The following ZNF462 variants were observed in gnomAD, a reference collection of about 807,000 sequenced individuals.
ZNF462 encodes the protein zinc finger protein 462.
ZNF462 carries 10 observed loss-of-function variants against 201.9 expected under a neutral mutation model. The ratio of observed to expected loss-of-function variants is 0.05; its 90% confidence interval spans 0.03 to 0.08. The LOEUF is 0.08. Among genes scored for constraint, ZNF462 ranks in the 10% least tolerant of loss-of-function variants. ZNF462 has a pLI of 1.00. For missense variants in ZNF462, 2,523 were observed against 3,168.3 expected (o/e 0.80, Z 4.89); for synonymous variants, 1,227 against 1,193.3 (o/e 1.03, Z -0.58).
intron 1 of ZNF462, among the ~76,000 whole-genome samples, chr9:106,867,899 T>C (rs1417754752): frequency 6.6e-6 from 1 of 152,170 alleles, no homozygotes; most frequent in Non-Finnish European, 1.5e-5. Flanking sequence ...ATATTCTAAA[T>C]TGATAATTGG....
intron 7 of ZNF462, among the ~76,000 whole-genome samples, chr9:106,946,716 C>A (rs1445269138): frequency 2.0e-5 from 3 of 151,940 alleles, no homozygotes; most frequent in Non-Finnish European, 4.4e-5. Context: ...TGCCTGTAAT[C>A]CCAACACTTT....
At position 106,972,064 on chromosome 9, in the gene ZNF462, G is replaced by A. The variant is rs368541757; in HGVS notation, c.6487G>A (p.Ala2163Thr). Residue 2163 changes from alanine to threonine, a missense_variant, in exon 8 of 13, where the codon GCC becomes ACC. Coordinates refer to ENST00000277225, the MANE Select transcript of ZNF462 (RefSeq NM_021224.6). This position sits in a 1 kb window ranked among gnomAD's most constrained non-coding sequence, Gnocchi z 4.8. ...QQQLNHYQSA[A>T]LARNNSRVSP... ...GCAGTTGAACCACTATCAGTCAGCT[G>A]CCCTGGCAAGGAACAACAGCCGTGT... 4.3e-6 allele frequency: 7 copies of A among 1,614,152 alleles called. No individual in the cohort carries two copies. The highest frequency in any genetic ancestry group is 5.1e-6 in the Non-Finnish European group (6 of 1,180,032).
Position 106,968,690 on chromosome 9 carries a change from G to A in ZNF462, c.6428-3315G>A, listed in dbSNP as rs936696913. ...GTTAAAGATCTAACTTGTGTGAGCC[G>A]CAGTTGGGTGCAGAACTTCCCACTG... On this transcript the variant is annotated intron_variant, in intron 7 of 12. Coordinates refer to ENST00000277225, the MANE Select transcript of ZNF462 (RefSeq NM_021224.6). This position sits in a 1 kb window ranked among gnomAD's most constrained non-coding sequence, Gnocchi z 4.0. 3.9e-5 allele frequency among the ~76,000 whole-genome samples: 6 copies of A among 152,092 alleles called. No individual in the cohort carries two copies. The highest frequency in any genetic ancestry group is 2.0e-4 in the Admixed American group (3 of 15,254).
At position 106,923,988 on chromosome 9, in the gene ZNF462, A is replaced by G. The variant is rs1312380915; in HGVS notation, c.221-145A>G. 9 of 682,898 alleles carry G rather than the reference A, an allele frequency of 1.3e-5. No individual in the cohort carries two copies. Among genetic ancestry groups the G allele is most frequent in the Admixed American group, 1.2e-4 (4 of 33,530 alleles). The allele number at this position is 682,898 out of a possible 1,614,324, so 42.3% of individuals were successfully genotyped here. A position where few individuals can be genotyped will look rare whatever the true frequency, so the allele number is the denominator to read the frequency against. On this transcript the variant is annotated intron_variant, in intron 2 of 12. Coordinates refer to ENST00000277225, the MANE Select transcript of ZNF462 (RefSeq NM_021224.6). The surrounding 1 kb of genome is among the most constrained non-coding windows in gnomAD (Gnocchi z 5.6). ...GTATATCTTCATTGATGCTTTGTGA[A>G]TACTCTTCAAGGCCTCATCTTGAGA...
chr9:106,867,681 G>A (rs908597805), intron 1 of ZNF462, among the ~76,000 whole-genome samples: 12 of 152,164 alleles, frequency 7.9e-5, no homozygotes, highest in African/African-American at 2.7e-4. Flanking sequence ...CTTGTGGTCG[G>A]TTTTCCTGAA....
At position 106,890,999 on chromosome 9, in the gene ZNF462, G is replaced by A. The variant is rs930614734; in HGVS notation, c.-31+27644G>A. Among the ~76,000 whole-genome samples the A allele has an allele frequency of 2.6e-5, 4 of 152,124 alleles. No individual in the cohort carries two copies. Among genetic ancestry groups the A allele is most frequent in the Non-Finnish European group, 4.4e-5 (3 of 68,024 alleles). On this transcript the variant is annotated intron_variant, in intron 1 of 12. Coordinates refer to ENST00000277225, the MANE Select transcript of ZNF462 (RefSeq NM_021224.6). This position sits in a 1 kb window ranked among gnomAD's most constrained non-coding sequence, Gnocchi z 4.2. ...CTTTTTTGGAAAAATCGTATGGCTA[G>A]TACAGGAAATCAAGGAGATTTTTAG...
rs746235333 is a variant in ZNF462, at chr9:106,890,746, C to T, written c.-31+27391C>T. Among the ~76,000 whole-genome samples the T allele has an allele frequency of 6.6e-6, 1 of 152,150 alleles. No homozygotes were observed. The highest frequency in any genetic ancestry group is 1.5e-5 in the Non-Finnish European group (1 of 68,030). ...TAAGGCTCATGTCACTCGCATCATG[C>T]TGTGACATGAAACAATATTGCATCG... On this transcript the variant is annotated intron_variant, in intron 1 of 12. Coordinates refer to ENST00000277225, the MANE Select transcript of ZNF462 (RefSeq NM_021224.6). The surrounding 1 kb of genome is among the most constrained non-coding windows in gnomAD (Gnocchi z 4.2).
In ZNF462 at chr9:106,932,517, G is replaced by A. The variant is rs1460924658; in HGVS notation, c.6084G>A (p.Gln2028=). 6.2e-7 allele frequency: 1 copy of A among 1,614,144 alleles called. No homozygotes were observed. Among genetic ancestry groups the A allele is most frequent in the Non-Finnish European group, 8.5e-7 (1 of 1,180,064 alleles). Reference sequence around the variant, plus strand: ...CCCGCGAGGACAAGTACAGCTGCCAGTATTGCTCGTTTGTTTCTGCTTTCA... The same window carrying A: ...CCCGCGAGGACAAGTACAGCTGCCAATATTGCTCGTTTGTTTCTGCTTTCA... ...MFTREDKYSC[Q]YCSFVSAFRH... Residue 2028 remains glutamine (Q), a synonymous_variant, in exon 5 of 13, where the codon CAG becomes CAA. Transcript: ENST00000277225. This position sits in a 1 kb window ranked among gnomAD's most constrained non-coding sequence, Gnocchi z 6.8.
chr9:106,924,983 T>G lies in ZNF462; in HGVS notation c.1071T>G (p.Val357=). The G allele has an allele frequency of 6.2e-7, 1 of 1,614,228 alleles. No individual in the cohort carries two copies. Among genetic ancestry groups the G allele is most frequent in the Non-Finnish European group, 8.5e-7 (1 of 1,180,042 alleles). The change falls in exon 3 of 13, where the codon GTT becomes GTG. Residue 357 remains valine, a synonymous_variant. Transcript: ENST00000277225. The surrounding 1 kb of genome is among the most constrained non-coding windows in gnomAD (Gnocchi z 6.2). ...AGTCACCTCACAATTCTGGTCTAGT[T>G]AACTTGACAGAGAGATCCCGTTATG... ...KPKSPHNSGL[V]NLTERSRYGM...
intron 7 of ZNF462, among the ~76,000 whole-genome samples, chr9:106,953,118 G>A (rs915388795): frequency 4.6e-5 from 7 of 152,208 alleles, no homozygotes; most frequent in African/African-American, 1.7e-4. Context: ...CAAATCTCTT[G>A]GAAGGAAAAA....
chr9:107,010,767 A>G lies in ZNF462; in HGVS notation c.7314-56A>G. On this transcript the variant is annotated intron_variant, in intron 12 of 12. Coordinates refer to ENST00000277225, the MANE Select transcript of ZNF462 (RefSeq NM_021224.6). The surrounding 1 kb of genome is among the most constrained non-coding windows in gnomAD (Gnocchi z 4.6). Reference sequence around the variant, plus strand: ...GAGGGTTTTTATTATTTTTTTGTTTAAAAAGAGAAATATATATACTATACT... The same window carrying G: ...GAGGGTTTTTATTATTTTTTTGTTTGAAAAGAGAAATATATATACTATACT... 1 of 1,456,104 alleles carries G rather than the reference A, an allele frequency of 6.9e-7. No individual in the cohort carries two copies. Among genetic ancestry groups the G allele is most frequent in the Non-Finnish European group, 9.2e-7 (1 of 1,091,150 alleles). 90.2% of individuals were successfully genotyped at this position (1,456,104 alleles called of 1,614,324 possible). A position where few individuals can be genotyped will look rare whatever the true frequency, so the allele number is the denominator to read the frequency against.
Position 106,923,420 on chromosome 9 carries a change from G to A in ZNF462, c.37G>A (p.Ala13Thr). ...VLQCDGCDFR[A>T]PSYEDLKAHI... ...TCAGTGTGATGGCTGTGATTTCCGA[G>A]CCCCGTCTTATGAAGATCTCAAGGC... Residue 13 changes from alanine to threonine, a missense_variant, in exon 2 of 13, where the codon GCC (alanine) becomes ACC (threonine). By Grantham distance (58) the Ala-to-Thr change is moderately conservative. Around this residue, in one of 15 missense-constraint regions of ZNF462, gnomAD observed 480 missense variants for 544.4 expected, o/e 0.88. Transcript: ENST00000277225. This position sits in a 1 kb window ranked among gnomAD's most constrained non-coding sequence, Gnocchi z 5.6. The A allele has an allele frequency of 6.2e-7, 1 of 1,614,182 alleles. No homozygotes were observed. The highest frequency in any genetic ancestry group is 1.3e-5 in the African/African-American group (1 of 75,046).
At position 106,963,746 on chromosome 9, in the gene ZNF462, T is replaced by G. The variant is rs1403279952; in HGVS notation, c.6428-8259T>G. On this transcript the variant is annotated intron_variant, in intron 7 of 12. Transcript: ENST00000277225. This position sits in a 1 kb window ranked among gnomAD's most constrained non-coding sequence, Gnocchi z 4.7. ...ACAAATTTCTAAGTATATAGGATAG[T>G]ATTGTTAACTGTATACACATTGTTA... is the stretch of plus-strand genomic sequence containing the variant. Among the ~76,000 whole-genome samples, 1 of 152,026 alleles carries G rather than the reference T, an allele frequency of 6.6e-6. No individual in the cohort carries two copies.
intron 9 of ZNF462, among the ~76,000 whole-genome samples, chr9:106,980,792 A>G (rs922150079): frequency 6.6e-6 from 1 of 152,138 alleles, no homozygotes; most frequent in South Asian, 2.1e-4. Flanking sequence ...CTGAGTCACA[A>G]TGAGTGTGAT....
At chr9:106,957,885 A>G (rs939527423) in intron 7 of ZNF462, among the ~76,000 whole-genome samples, 2 of 152,078 alleles carry the variant, frequency 1.3e-5, no homozygotes, top group Admixed American at 6.6e-5. Context: ...GTTCTACATT[A>G]TTATTAATTT....
Position 106,926,173 on chromosome 9 carries a change from C to A in ZNF462, c.2261C>A (p.Ser754Tyr). ...PTEPIIEVPT[S>Y]FSAQQIWVRD... ...GAACCCATCATAGAGGTTCCCACTT[C>A]CTTTTCTGCCCAACAGATATGGGTA... The change falls in exon 3 of 13, where the codon TCC becomes TAC. Residue 754 changes from serine to tyrosine, a missense_variant. Ser to Tyr is a moderately radical substitution (Grantham distance 144). Around this residue, in one of 15 missense-constraint regions of ZNF462, gnomAD observed 383 missense variants for 453.4 expected, o/e 0.84. Coordinates refer to ENST00000277225, the MANE Select transcript of ZNF462 (RefSeq NM_021224.6). This position sits in a 1 kb window ranked among gnomAD's most constrained non-coding sequence, Gnocchi z 7.9. The A allele has an allele frequency of 1.2e-6, 2 of 1,614,212 alleles. No individual in the cohort carries two copies. Among genetic ancestry groups the A allele is most frequent in the Non-Finnish European group, 1.7e-6 (2 of 1,180,046 alleles).
chr9:106,954,322 G>T lies in ZNF462; in HGVS notation c.6427+15215G>T, dbSNP rs1040439551. On this transcript the variant is annotated intron_variant, in intron 7 of 12. Coordinates refer to ENST00000277225, the MANE Select transcript of ZNF462 (RefSeq NM_021224.6). The surrounding 1 kb of genome is among the most constrained non-coding windows in gnomAD (Gnocchi z 4.0). ...GGAGAGAGAAAGAGAGTGAGGGGGG[G>T]ATGTGCCATACTTCTAAACCATCAG... Among the ~76,000 whole-genome samples the T allele has an allele frequency of 6.6e-6, 1 of 151,980 alleles. No individual in the cohort carries two copies. The highest frequency in any genetic ancestry group is 1.5e-5 in the Non-Finnish European group (1 of 67,976).
intron 1 of ZNF462, among the ~76,000 whole-genome samples, chr9:106,901,683 G>T (rs1287429624): frequency 1.3e-5 from 2 of 152,016 alleles, no homozygotes; most frequent in African/African-American, 4.8e-5. Context: ...TGCAGCTATT[G>T]TAAAAGGGGT....
At chr9:106,861,869 A>AGCG (rs1827076079), upstream of ZNF462, among the ~76,000 whole-genome samples, 1 of 152,188 alleles carries the variant, frequency 6.6e-6, no homozygotes, top group Admixed American at 6.5e-5. Flanking sequence ...ACACCATGAC[A>AGCG]CCTTATCATT....
Sources: allele counts gnomAD v4.1 joint callset (sites outside exome capture counted in the v4.1 genomes callset), GRCh38; gene constraint gnomAD v4.1.1; regional missense constraint gnomAD v4.1.1; non-coding constraint Gnocchi (gnomAD v3.1); transcripts MANE v1.5; gene names NCBI Gene and HGNC (gene_info 2026-07-23, HGNC 2026-07-21).